VRK2: variants seen among roughly 807,000 people sequenced by gnomAD.
The protein encoded by VRK2 is serine/threonine-protein kinase VRK2.
A neutral mutation model predicts 57.6 loss-of-function variants in VRK2; 60 were observed. That is an observed-to-expected ratio of 1.04 (90% CI 0.85 to 1.29). The LOEUF is 1.29. Among genes scored for constraint, VRK2 ranks in the 50% most tolerant of loss-of-function variants. VRK2 has a pLI of 0.00. For missense variants in VRK2, 705 were observed against 588.1 expected (o/e 1.20, Z -2.06); for synonymous variants, 231 against 199.2 (o/e 1.16, Z -1.35).
intron 4 of VRK2, 31 bp downstream of exon 4, chr2:58,084,981 C>T (rs1257739127): frequency 1.3e-6 from 2 of 1,538,598 alleles, no homozygotes; most frequent in South Asian, 2.5e-5. Context: ...AAGCTACTTC[C>T]ATATATGTGC....
chr2:58,122,766 C>T (rs897533787), intron 7 of VRK2, among the ~76,000 whole-genome samples: 10 of 152,240 alleles, frequency 6.6e-5, no homozygotes, highest in Admixed American at 6.5e-4. Flanking sequence ...AAAGCAGAGC[C>T]TCCTCAACTG....
Position 57,995,462 on chromosome 2 carries a change from C to A in VRK2, c.-438-30203C>A, listed in dbSNP as rs545175707. On this transcript the variant is annotated intron_variant, in intron 1 of 15. Transcript: ENST00000417641. ...GCAACAAATACTGTGAGTTGTTTTC[C>A]TTGAAGCAATAGTTTCATTTCATTC... is the stretch of plus-strand genomic sequence containing the variant. 2.0e-4 allele frequency among the ~76,000 whole-genome samples: 30 copies of A among 152,204 alleles called. No homozygotes were observed. In the South Asian group the frequency reaches 5.8e-3, roughly 29 times the overall value.
At chr2:58,035,494 C>T (rs916601708) in intron 3 of VRK2, among the ~76,000 whole-genome samples, 1 of 151,890 alleles carries the variant, frequency 6.6e-6, no homozygotes. Context: ...AACAGATTGT[C>T]CAGATAGTTT....
intron 3 of VRK2, among the ~76,000 whole-genome samples, chr2:58,035,200 C>T (rs1313661619): frequency 6.6e-6 from 1 of 151,960 alleles, no homozygotes; most frequent in Non-Finnish European, 1.5e-5. Context: ...ATTCATCTTT[C>T]CTTTCTGTTG....
chr2:57,938,173 A>G (rs540885934), intron 1 of VRK2, among the ~76,000 whole-genome samples: 1 of 152,130 alleles, frequency 6.6e-6, no homozygotes, highest in South Asian at 2.1e-4. Context: ...TACCAAGTCA[A>G]CTACACTTTA....
At chr2:58,111,316 A>T (rs1675533182) in intron 7 of VRK2, among the ~76,000 whole-genome samples, 2 of 152,178 alleles carry the variant, frequency 1.3e-5, no homozygotes, top group Non-Finnish European at 1.5e-5. Context: ...AAGGCAAGAA[A>T]ATCATGTGAG....
chr2:58,019,304 A>G (rs916131405), intron 1 of VRK2, among the ~76,000 whole-genome samples: 1 of 152,208 alleles, frequency 6.6e-6, no homozygotes, highest in Non-Finnish European at 1.5e-5. Flanking sequence ...CTGCTTTAAG[A>G]CTAATTAATA....
At chr2:58,114,429 GT>G (rs1437614281) in intron 7 of VRK2, among the ~76,000 whole-genome samples, 1 of 152,142 alleles carries the variant, frequency 6.6e-6, no homozygotes, top group Non-Finnish European at 1.5e-5. Context: ...GGGATGACAA[GT>G]TTTTTTGGGG....
chr2:57,955,753 T>C (rs1671568169), intron 1 of VRK2, among the ~76,000 whole-genome samples: 1 of 152,178 alleles, frequency 6.6e-6, no homozygotes, highest in African/African-American at 2.4e-5. Flanking sequence ...GAACTTAAAA[T>C]AGAATTAAAT....
chr2:57,907,789 G>C (rs902442425), exon 1 of VRK2: 5 of 152,128 alleles, frequency 3.3e-5, no homozygotes, highest in African/African-American at 1.2e-4. Context: ...CATCCTTCAA[G>C]AGCCAAGTCA....
chr2:57,929,351 T>C (rs78775927), intron 1 of VRK2, among the ~76,000 whole-genome samples: 1 of 152,178 alleles, frequency 6.6e-6, no homozygotes, highest in South Asian at 2.1e-4. Context: ...CTTAGGCCTA[T>C]GGTGAGTACT....
At chr2:58,155,532 G>T (rs1286987367) in intron 12 of VRK2, among the ~76,000 whole-genome samples, 2 of 152,076 alleles carry the variant, frequency 1.3e-5, no homozygotes, top group Non-Finnish European at 2.9e-5. Flanking sequence ...AGTAGTACAG[G>T]CTGGGAAAGG....
intron 7 of VRK2, among the ~76,000 whole-genome samples, chr2:58,104,380 C>T (rs1485907550): frequency 6.6e-6 from 1 of 151,700 alleles, no homozygotes; most frequent in African/African-American, 2.4e-5. Flanking sequence ...GATATAAAAT[C>T]AATGTATAAA....
chr2:58,029,116 T>C (rs1674035880), intron 2 of VRK2, among the ~76,000 whole-genome samples: 1 of 151,578 alleles, frequency 6.6e-6, no homozygotes, highest in Non-Finnish European at 1.5e-5. Flanking sequence ...CAATAATTCC[T>C]AAAAAGCCAG....
intron 2 of VRK2, among the ~76,000 whole-genome samples, chr2:58,080,296 G>T (rs1010630194): frequency 4.0e-5 from 6 of 151,806 alleles, no homozygotes; most frequent in African/African-American, 1.4e-4. Context: ...TTTTCTGGGT[G>T]AAAATATGGA....
At chr2:57,932,706 A>G (rs1286259728) in intron 1 of VRK2, among the ~76,000 whole-genome samples, 1 of 151,688 alleles carries the variant, frequency 6.6e-6, no homozygotes, top group Non-Finnish European at 1.5e-5. Flanking sequence ...AATCTTTATT[A>G]TTTCCTTTAT....
intron 1 of VRK2, among the ~76,000 whole-genome samples, chr2:57,935,304 C>A (rs1670869560): frequency 6.6e-6 from 1 of 152,140 alleles, no homozygotes; most frequent in South Asian, 2.1e-4. Flanking sequence ...CATTCTACAC[C>A]TATTGATTCC....
intron 1 of VRK2, among the ~76,000 whole-genome samples, chr2:57,937,383 A>G (rs1006966847): frequency 1.3e-5 from 2 of 152,166 alleles, no homozygotes; most frequent in African/African-American, 4.8e-5. Context: ...CAGAAAAACA[A>G]ACAGAATGAA....
Position 57,976,157 on chromosome 2 carries a change from C to T in VRK2, c.-438-49508C>T, listed in dbSNP as rs913426456. Among the ~76,000 whole-genome samples, 6 of 152,050 alleles carry T rather than the reference C, an allele frequency of 3.9e-5. No homozygotes were observed. In the East Asian group the frequency reaches 9.6e-4, roughly 24 times the overall value. ...TATGTACCACATTTCTTTATTCAGTCCACTGTTCAGCATCTAGGCTGATTC... is the reference window on the plus strand; with the variant it reads ...TATGTACCACATTTCTTTATTCAGTTCACTGTTCAGCATCTAGGCTGATTC... On this transcript the variant is annotated intron_variant, in intron 1 of 15. Coordinates refer to the VRK2 transcript ENST00000417641.
Sources: allele counts gnomAD v4.1 joint callset (sites outside exome capture counted in the v4.1 genomes callset), GRCh38; gene constraint gnomAD v4.1.1; transcripts MANE v1.5; gene names NCBI Gene and HGNC (gene_info 2026-07-23, HGNC 2026-07-21).